GPR158: variants seen among roughly 807,000 people sequenced by gnomAD.
GPR158 encodes G protein-coupled receptor 158.
Under a neutral mutation model 78.2 loss-of-function variants are expected in GPR158, and 30 were observed. That is an observed-to-expected ratio of 0.38 (90% CI 0.29 to 0.52). The LOEUF (loss-of-function observed/expected upper bound fraction) is 0.52. GPR158 is among the 20% of genes least tolerant of loss of function. GPR158 has a pLI of 0.83. For missense variants in GPR158, 1,463 were observed against 1,523.5 expected (o/e 0.96, Z 0.66); for synonymous variants, 581 against 591.1 (o/e 0.98, Z 0.25).
At chr10:25,294,026 G>C (rs1854477240) in intron 2 of GPR158, among the ~76,000 whole-genome samples, 1 of 152,166 alleles carries the variant, frequency 6.6e-6, no homozygotes, top group South Asian at 2.1e-4. Flanking sequence ...TTACAGGCCT[G>C]AGCCACTGCG....
At chr10:25,480,259 A>T (rs1000146928) in intron 5 of GPR158, among the ~76,000 whole-genome samples, 1 of 152,170 alleles carries the variant, frequency 6.6e-6, no homozygotes, top group Non-Finnish European at 1.5e-5. Context: ...CCAATATTTA[A>T]ACAAAGAGTC....
chr10:25,593,629 C>T (rs538215865), intron 8 of GPR158, among the ~76,000 whole-genome samples: 1 of 152,046 alleles, frequency 6.6e-6, no homozygotes, highest in Admixed American at 6.6e-5. Flanking sequence ...TATTGAATTT[C>T]TCCTCACCAT....
In GPR158 at chr10:25,420,373, G is replaced by A. The variant is rs112323321; in HGVS notation, c.1335+7900G>A. Among the ~76,000 whole-genome samples, 1,395 of 152,086 alleles carry A rather than the reference G, an allele frequency of 9.2e-3. 27 individuals carry two copies. Among genetic ancestry groups the A allele is most frequent in the African/African-American group, 0.032 (1,311 of 41,510 alleles). On this transcript the variant is annotated intron_variant, in intron 4 of 10. Transcript: ENST00000376351. The stretch of plus-strand genomic sequence containing the variant: ...TTGCTATGTTGCCGAGACTGGCCTC[G>A]AACTCCTGTCCTCAAGCAATCCTCC...
chr10:25,449,325 A>G, intron 4 of GPR158, among the ~76,000 whole-genome samples: 1 of 152,184 alleles, frequency 6.6e-6, no homozygotes, highest in Non-Finnish European at 1.5e-5. Context: ...ATAATGTAAA[A>G]TTGCAATGTT....
At chr10:25,375,311 C>T (rs1243074431) in intron 2 of GPR158, among the ~76,000 whole-genome samples, 1 of 151,494 alleles carries the variant, frequency 6.6e-6, no homozygotes, top group Non-Finnish European at 1.5e-5. Context: ...CATCATTTCT[C>T]CCAACCCATA....
chr10:25,286,538 T>C (rs1489884328), intron 2 of GPR158, among the ~76,000 whole-genome samples: 1 of 152,188 alleles, frequency 6.6e-6, no homozygotes, highest in Non-Finnish European at 1.5e-5. Flanking sequence ...GTCTCTCTAA[T>C]AGTTATTATG....
chr10:25,524,184 T>A (rs192313600), intron 5 of GPR158, among the ~76,000 whole-genome samples: 104 of 152,306 alleles, frequency 6.8e-4, no homozygotes, highest in Admixed American at 1.3e-3. Flanking sequence ...ATGGAACTCA[T>A]GGATTAGAAA....
intron 1 of GPR158, among the ~76,000 whole-genome samples, chr10:25,179,650 T>C (rs1564384040): frequency 3.3e-5 from 5 of 152,156 alleles, no homozygotes; most frequent in Admixed American, 2.0e-4. Context: ...TATCTTAAAA[T>C]TTAAGACCCA....
At chr10:25,591,666 G>A (rs1837342365) in intron 8 of GPR158, among the ~76,000 whole-genome samples, 1 of 152,064 alleles carries the variant, frequency 6.6e-6, no homozygotes, top group African/African-American at 2.4e-5. Flanking sequence ...AGACTAACTA[G>A]CTTGGTAGGC....
chr10:25,385,307 T>C (rs1374455731), intron 2 of GPR158, among the ~76,000 whole-genome samples: 2 of 152,176 alleles, frequency 1.3e-5, no homozygotes, highest in African/African-American at 4.8e-5. Flanking sequence ...TCCTTCTCTT[T>C]TCAATTCTGG....
chr10:25,393,291 T>C (rs899018373), intron 2 of GPR158, among the ~76,000 whole-genome samples: 26 of 152,310 alleles, frequency 1.7e-4, no homozygotes, highest in African/African-American at 6.0e-4. Flanking sequence ...ATGAAATCAG[T>C]GATGTTCTAT....
At chr10:25,333,395 T>A (rs1855154973) in intron 2 of GPR158, among the ~76,000 whole-genome samples, 2 of 152,198 alleles carry the variant, frequency 1.3e-5, no homozygotes, top group South Asian at 4.1e-4. Context: ...TCCCAGTGGT[T>A]CTTAAATATA....
chr10:25,269,196 CA>C (rs1457500135), intron 2 of GPR158, among the ~76,000 whole-genome samples: 2 of 152,108 alleles, frequency 1.3e-5, no homozygotes, highest in Non-Finnish European at 2.9e-5. Context: ...TTGAATAGAG[CA>C]GATGGTTTAT....
At chr10:25,369,295 G>A (rs1449367489) in intron 2 of GPR158, among the ~76,000 whole-genome samples, 4 of 150,246 alleles carry the variant, frequency 2.7e-5, no homozygotes, top group Admixed American at 2.0e-4. Flanking sequence ...TATGATATTG[G>A]CTGTGGGTTT....
intron 2 of GPR158, among the ~76,000 whole-genome samples, chr10:25,223,194 T>C (rs117357708): frequency 0.02 from 3,104 of 152,208 alleles, 39 homozygotes; most frequent in Non-Finnish European, 0.031. Flanking sequence ...GTGGAAAAAA[T>C]ATTCTACAAT....
At chr10:25,378,489 C>T (rs558538592) in intron 2 of GPR158, among the ~76,000 whole-genome samples, 1 of 151,568 alleles carries the variant, frequency 6.6e-6, no homozygotes, top group Admixed American at 6.6e-5. Flanking sequence ...TCGTATATAC[C>T]ATCTTAGTTT....
At chr10:25,251,096 T>C (rs955477025) in intron 2 of GPR158, among the ~76,000 whole-genome samples, 145 of 152,288 alleles carry the variant, frequency 9.5e-4, no homozygotes, top group Non-Finnish European at 1.4e-3. Context: ...TTGATCTTTG[T>C]TGGTTTAAAG....
intron 4 of GPR158, among the ~76,000 whole-genome samples, chr10:25,461,413 A>G (rs1341453070): frequency 6.6e-6 from 1 of 152,226 alleles, no homozygotes; most frequent in Non-Finnish European, 1.5e-5. Context: ...AGATTAAACC[A>G]GTCACAACAC....
At chr10:25,387,887 C>T (rs1351793970) in intron 2 of GPR158, among the ~76,000 whole-genome samples, 1 of 152,106 alleles carries the variant, frequency 6.6e-6, no homozygotes, top group African/African-American at 2.4e-5. Flanking sequence ...TAGAATTCTC[C>T]ATTGAAGACA....
Sources: allele counts gnomAD v4.1 joint callset (sites outside exome capture counted in the v4.1 genomes callset), GRCh38; gene constraint gnomAD v4.1.1; transcripts MANE v1.5; gene names NCBI Gene and HGNC (gene_info 2026-07-23, HGNC 2026-07-21).